The following CPNE4 variants were observed in gnomAD, a reference collection of about 807,000 sequenced individuals.
The protein encoded by CPNE4 is copine 4, also known as copine-4.
A neutral mutation model predicts 67.9 loss-of-function variants in CPNE4; 25 were observed. That is an observed-to-expected ratio of 0.37 (90% CI 0.27 to 0.51). The LOEUF (loss-of-function observed/expected upper bound fraction) is 0.51, where lower values mean the gene tolerates loss of function less well. Ranked by LOEUF, CPNE4 falls within the 20% of genes least tolerant of loss-of-function variation. The pLI is 0.93. For missense variants in CPNE4, 464 were observed against 690.8 expected (o/e 0.67, Z 3.68); for synonymous variants, 242 against 244.9 (o/e 0.99, Z 0.11).
chr3:131,718,888 A>G (rs962405668), intron 3 of CPNE4, among the ~76,000 whole-genome samples: 2 of 152,256 alleles, frequency 1.3e-5, no homozygotes, highest in African/African-American at 4.8e-5. Context: ...CATTAAAAGA[A>G]GAAATAAACG....
At chr3:131,819,146 T>C (rs1000686893) in intron 2 of CPNE4, among the ~76,000 whole-genome samples, 2 of 152,114 alleles carry the variant, frequency 1.3e-5, no homozygotes, top group African/African-American at 4.8e-5. Flanking sequence ...CAGGAGGGTA[T>C]GTGATTCCAA....
chr3:131,743,778 A>G (rs1330246463), intron 2 of CPNE4, among the ~76,000 whole-genome samples: 1 of 151,876 alleles, frequency 6.6e-6, no homozygotes, highest in African/African-American at 2.4e-5. Flanking sequence ...ATAAAAGCAC[A>G]CGGTGAAACC....
At chr3:131,830,583 T>C (rs1003956270) in intron 2 of CPNE4, among the ~76,000 whole-genome samples, 1 of 152,188 alleles carries the variant, frequency 6.6e-6, no homozygotes, top group Non-Finnish European at 1.5e-5. Context: ...TTTGTCTTAA[T>C]GTCACCTTCA....
chr3:131,782,607 T>C (rs1447332803), intron 2 of CPNE4, among the ~76,000 whole-genome samples: 1 of 152,038 alleles, frequency 6.6e-6, no homozygotes, highest in Non-Finnish European at 1.5e-5. Context: ...AGATTTAAAA[T>C]GTTCTACTAG....
At chr3:131,897,495 T>C (rs1205350110) in intron 2 of CPNE4, among the ~76,000 whole-genome samples, 1 of 152,112 alleles carries the variant, frequency 6.6e-6, no homozygotes, top group Admixed American at 6.6e-5. Context: ...GTTCAATTTG[T>C]CATTGCTCCT....
chr3:131,691,956 T>C (rs1161420209), intron 5 of CPNE4, among the ~76,000 whole-genome samples: 1 of 152,160 alleles, frequency 6.6e-6, no homozygotes, highest in Admixed American at 6.6e-5. Context: ...TTTTTAAAAC[T>C]TGATTATTAG....
chr3:131,964,785 G>A (rs781292227), intron 1 of CPNE4, among the ~76,000 whole-genome samples: 2 of 152,082 alleles, frequency 1.3e-5, no homozygotes, highest in Non-Finnish European at 2.9e-5. Flanking sequence ...ATGGAACCAA[G>A]TCGGAAAATA....
intron 15 of CPNE4, among the ~76,000 whole-genome samples, chr3:131,537,283 G>GTTTT (rs756997599): frequency 3.2e-5 from 4 of 123,858 alleles, no homozygotes; most frequent in Admixed American, 8.4e-5. Context: ...TTTCTTTTCT[G>GTTTT]TTTTTTTTTT....
At chr3:131,663,629 G>A (rs995496341) in intron 7 of CPNE4, among the ~76,000 whole-genome samples, 2 of 152,140 alleles carry the variant, frequency 1.3e-5, no homozygotes, top group African/African-American at 4.8e-5. Context: ...GTGGGATTCT[G>A]ATTTAACAGA....
chr3:131,695,223 G>A (rs1423745128), intron 5 of CPNE4, among the ~76,000 whole-genome samples: 2 of 152,162 alleles, frequency 1.3e-5, no homozygotes, highest in Non-Finnish European at 1.5e-5. Context: ...GAAGGAACTG[G>A]GGTTTCCAGC....
At chr3:131,652,241 TAGA>T (rs1184008305) in intron 7 of CPNE4, among the ~76,000 whole-genome samples, 1 of 152,224 alleles carries the variant, frequency 6.6e-6, no homozygotes, top group Non-Finnish European at 1.5e-5. Context: ...AATAAAAACG[TAGA>T]AGGACAGCAG....
intron 7 of CPNE4, among the ~76,000 whole-genome samples, chr3:131,640,328 A>C (rs545902230): frequency 2.0e-5 from 3 of 152,266 alleles, no homozygotes; most frequent in African/African-American, 4.8e-5. Context: ...ACACAAAATT[A>C]ATGGATACAA....
Position 131,560,902 on chromosome 3 carries a change from T to C in CPNE4, c.1061+3314A>G, listed in dbSNP as rs181883378. 3.2e-3 allele frequency among the ~76,000 whole-genome samples: 493 copies of C among 152,166 alleles called. 2 individuals carry two copies. Among genetic ancestry groups the C allele is most frequent in the African/African-American group, 0.011 (459 of 41,554 alleles). Reference sequence around the variant, plus strand: ...TAAGGCTTTTCGAATGGCTTCAATGTACAGCCAAGGCTGAGGACCACTGAC... The same window carrying C: ...TAAGGCTTTTCGAATGGCTTCAATGCACAGCCAAGGCTGAGGACCACTGAC... On this transcript the variant is annotated intron_variant, in intron 11 of 15. Transcript: ENST00000429747.
chr3:131,974,901 G>A (rs1236150427), intron 1 of CPNE4, among the ~76,000 whole-genome samples: 4 of 152,074 alleles, frequency 2.6e-5, no homozygotes, highest in African/African-American at 4.8e-5. Flanking sequence ...CCAGCTGCTC[G>A]GGAGGCTGAG....
At chr3:131,762,584 G>A (rs544953291) in intron 2 of CPNE4, among the ~76,000 whole-genome samples, 310 of 152,036 alleles carry the variant, frequency 2.0e-3, no homozygotes, top group Middle Eastern at 6.8e-3. Context: ...GAAAAAAAAC[G>A]TAGATTCATG....
intron 3 of CPNE4, among the ~76,000 whole-genome samples, chr3:131,718,813 T>C (rs2081807569): frequency 6.6e-6 from 1 of 152,256 alleles, no homozygotes; most frequent in Non-Finnish European, 1.5e-5. Context: ...CAGCCAGGTA[T>C]ACTTGGCATA....
chr3:131,831,686 G>A (rs1443041861), intron 2 of CPNE4, among the ~76,000 whole-genome samples: 18 of 152,026 alleles, frequency 1.2e-4, no homozygotes, highest in Admixed American at 1.2e-3. Context: ...AAAATTTTAA[G>A]GGATAACTGT....
At chr3:131,942,461 TGTGAGAGAGAGAGAGAGAGA>T (rs1451513423) in intron 1 of CPNE4, among the ~76,000 whole-genome samples, 27 of 57,654 alleles carry the variant, frequency 4.7e-4, no homozygotes, top group Admixed American at 1.9e-3. Flanking sequence ...TGTGTGTGTG[TGTGAGAGAGAGAGAGAGAGA>T]GAGAGAGAGA....
intron 1 of CPNE4, among the ~76,000 whole-genome samples, chr3:131,940,911 TG>T (rs1354256111): frequency 2.6e-5 from 4 of 152,070 alleles, no homozygotes; most frequent in Non-Finnish European, 5.9e-5. Flanking sequence ...AAACAGTGCA[TG>T]AAGCTATTTT....
Sources: gnomAD v4.1 joint callset for allele counts (sites outside exome capture counted in the v4.1 genomes callset) on GRCh38, gnomAD v4.1.1 for gene constraint, MANE v1.5 for transcripts, NCBI Gene and HGNC (gene_info 2026-07-23, HGNC 2026-07-21) for gene names.